The following ADGRL3 variants were observed in gnomAD, a reference collection of about 807,000 sequenced individuals.
The protein encoded by ADGRL3 is adhesion G protein-coupled receptor L3.
ADGRL3 carries 62 observed loss-of-function variants against 153.5 expected under a neutral mutation model. The ratio of observed to expected loss-of-function variants is 0.40; its 90% CI spans 0.33 to 0.50. ADGRL3 has a LOEUF of 0.50. Among genes scored for constraint, ADGRL3 ranks in the 20% least tolerant of loss-of-function variants. The pLI is 0.47. For missense variants in ADGRL3, 1,641 were observed against 1,859.4 expected, an observed-to-expected ratio of 0.88 and a Z score of 2.16; for synonymous variants, 710 against 672.5, an observed-to-expected ratio of 1.06 and a Z score of -0.86.
intron 8 of ADGRL3, among the ~76,000 whole-genome samples, chr4:61,793,797 G>A (rs2097373037): frequency 6.6e-6 from 1 of 152,076 alleles, no homozygotes; most frequent in African/African-American, 2.4e-5. Flanking sequence ...TTATAAACTT[G>A]ATGAAACTTA....
intron 1 of ADGRL3, among the ~76,000 whole-genome samples, chr4:61,333,916 T>C (rs1423725155): frequency 8.5e-6 from 1 of 118,294 alleles, no homozygotes; most frequent in African/African-American, 2.8e-5. Flanking sequence ...GTGCCCTGCC[T>C]GTATTTTTTT....
At chr4:61,685,901 T>C (rs1453438534) in intron 6 of ADGRL3, among the ~76,000 whole-genome samples, 1 of 152,056 alleles carries the variant, frequency 6.6e-6, no homozygotes, top group Admixed American at 6.6e-5. Context: ...AAATATCAGA[T>C]GGTATAAACA....
At chr4:61,659,547 A>G (rs2094534121) in intron 5 of ADGRL3, among the ~76,000 whole-genome samples, 1 of 152,202 alleles carries the variant, frequency 6.6e-6, no homozygotes, top group Non-Finnish European at 1.5e-5. Flanking sequence ...GATACAAAAG[A>G]TTACAAAGAT....
At chr4:61,774,651 T>C (rs1405811449) in intron 8 of ADGRL3, among the ~76,000 whole-genome samples, 1 of 152,032 alleles carries the variant, frequency 6.6e-6, no homozygotes, top group Non-Finnish European at 1.5e-5. Flanking sequence ...GAAAGATGAC[T>C]GTATGGTACA....
In ADGRL3 at chr4:61,326,253, C is replaced by T. The variant is rs181332877; in HGVS notation, c.-239-56871C>T. Among the ~76,000 whole-genome samples the T allele has an allele frequency of 2.5e-4, 38 of 152,088 alleles. No individual in the cohort carries two copies. In the East Asian group the frequency reaches 5.4e-3, roughly 22 times the overall value. On this transcript the variant is annotated intron_variant, in intron 1 of 26. Transcript: ENST00000683033. ...GCTGGGTATAAGAAGATGAATTAGCCGGTTTTTTTCCTCTAGGACCTAAAT... is the reference window on the plus strand; with the variant it reads ...GCTGGGTATAAGAAGATGAATTAGCTGGTTTTTTTCCTCTAGGACCTAAAT...
At chr4:61,353,695 C>A (rs1030419285) in intron 1 of ADGRL3, among the ~76,000 whole-genome samples, 7 of 148,496 alleles carry the variant, frequency 4.7e-5, no homozygotes, top group Non-Finnish European at 7.4e-5. Context: ...CCTGCCTTGA[C>A]CTCCCAAAGT....
intron 1 of ADGRL3, among the ~76,000 whole-genome samples, chr4:61,329,677 A>G (rs933482999): frequency 6.6e-6 from 1 of 150,706 alleles, no homozygotes; most frequent in African/African-American, 2.4e-5. Flanking sequence ...ACAGTATGTC[A>G]TGACCATTTT....
intron 4 of ADGRL3, among the ~76,000 whole-genome samples, chr4:61,586,262 G>A (rs1158500784): frequency 1.3e-5 from 2 of 151,740 alleles, no homozygotes; most frequent in Non-Finnish European, 1.5e-5. Context: ...GGATAATTAG[G>A]TTTTCTCAAA....
Position 61,640,051 on chromosome 4 carries a change from C to T in ADGRL3, c.474-36775C>T, listed in dbSNP as rs575951023. On this transcript the variant is annotated intron_variant, in intron 5 of 26. Coordinates refer to ENST00000683033, the MANE Select transcript of ADGRL3 (RefSeq NM_001387552.1). ...AGTTAAGAGTATAATATTCTTACCTCCCTCTGCAAGAAGTGGCCAGAATAG... is the reference window on the plus strand; with the variant it reads ...AGTTAAGAGTATAATATTCTTACCTTCCTCTGCAAGAAGTGGCCAGAATAG... Among the ~76,000 whole-genome samples, 132 of 152,142 alleles carry T rather than the reference C, an allele frequency of 8.7e-4. 1 individual carries two copies. Among genetic ancestry groups the T allele is most frequent in the Non-Finnish European group, 2.5e-4 (17 of 67,994 alleles).
chr4:61,499,541 T>A (rs1391606066), intron 3 of ADGRL3, among the ~76,000 whole-genome samples: 1 of 152,254 alleles, frequency 6.6e-6, no homozygotes, highest in Non-Finnish European at 1.5e-5. Context: ...ATTTTGAGAA[T>A]AAAATAAATA....
chr4:61,856,974 TTC>T (rs2098277862), intron 9 of ADGRL3, among the ~76,000 whole-genome samples: 1 of 121,062 alleles, frequency 8.3e-6, no homozygotes, highest in Admixed American at 8.7e-5. Context: ...CTTTCTTTCT[TTC>T]TTTCTTTCTT....
At chr4:61,960,990 G>A (rs573565273) in intron 17 of ADGRL3, among the ~76,000 whole-genome samples, 1 of 152,264 alleles carries the variant, frequency 6.6e-6, no homozygotes, top group South Asian at 2.1e-4. Context: ...TTACAGGTGT[G>A]AGCCACTGCA....
At chr4:61,527,276 T>C (rs543436225) in intron 4 of ADGRL3, among the ~76,000 whole-genome samples, 23 of 152,204 alleles carry the variant, frequency 1.5e-4, no homozygotes, top group African/African-American at 5.3e-4. Flanking sequence ...TATTAAATAA[T>C]GTAATTATGT....
At chr4:61,738,169 A>G (rs2096541245) in intron 8 of ADGRL3, among the ~76,000 whole-genome samples, 1 of 152,066 alleles carries the variant, frequency 6.6e-6, no homozygotes, top group Non-Finnish European at 1.5e-5. Flanking sequence ...GTGAGAACAT[A>G]CGATGTTTTC....
chr4:61,759,468 T>G (rs116607549), intron 8 of ADGRL3, among the ~76,000 whole-genome samples: 1,527 of 152,366 alleles, frequency 0.01, 43 homozygotes, highest in African/African-American at 0.035. Context: ...TCAGATCGAC[T>G]ACGAGGCTTG....
chr4:61,699,321 T>A (rs528628671), intron 6 of ADGRL3, among the ~76,000 whole-genome samples: 32 of 152,248 alleles, frequency 2.1e-4, no homozygotes, highest in Middle Eastern at 3.4e-3. Flanking sequence ...TAAATTTTTT[T>A]AAAAAATAAT....
At chr4:62,026,517 G>A (rs1231068776) in intron 21 of ADGRL3, among the ~76,000 whole-genome samples, 1 of 151,932 alleles carries the variant, frequency 6.6e-6, no homozygotes, top group Non-Finnish European at 1.5e-5. Context: ...CTGCTGAATT[G>A]CACCCTGATA....
At chr4:61,649,404 C>T (rs2094164732) in intron 5 of ADGRL3, among the ~76,000 whole-genome samples, 1 of 152,046 alleles carries the variant, frequency 6.6e-6, no homozygotes, top group Non-Finnish European at 1.5e-5. Context: ...TTTTAATTCT[C>T]AGAACCTGTT....
intron 8 of ADGRL3, among the ~76,000 whole-genome samples, chr4:61,754,924 G>C (rs913477166): frequency 2.0e-5 from 3 of 152,058 alleles, no homozygotes; most frequent in Non-Finnish European, 4.4e-5. Flanking sequence ...CCAGCTTCAT[G>C]CATGTCCCTA....
Sources: gnomAD v4.1 joint callset for allele counts (sites outside exome capture counted in the v4.1 genomes callset) on GRCh38, gnomAD v4.1.1 for gene constraint, MANE v1.5 for transcripts, NCBI Gene and HGNC (gene_info 2026-07-23, HGNC 2026-07-21) for gene names.